ASB13: variants seen among roughly 807,000 people sequenced by gnomAD.
ASB13 encodes the protein ankyrin repeat and SOCS box containing 13.
Under a neutral mutation model 28.8 loss-of-function variants are expected in ASB13, and 33 were observed. The ratio of observed to expected loss-of-function variants is 1.15; its 90% CI spans 0.87 to 1.53. The LOEUF is 1.53. Among genes scored for constraint, ASB13 ranks in the 40% most tolerant of loss-of-function variants. The pLI is 0.00. For missense variants in ASB13, 414 were observed against 390.1 expected (o/e 1.06, Z -0.52); for synonymous variants, 182 against 172.9 (o/e 1.05, Z -0.41).
chr10:5,649,157 C>CA lies in ASB13; in HGVS notation c.383-54dup. ...TGTCCTTGAATACGGACACTGGAGACAACAAGCACACAGACGCGGCAGGGG... is the reference window on the plus strand; with the variant it reads ...TGTCCTTGAATACGGACACTGGAGACAAACAAGCACACAGACGCGGCAGGGG... On this transcript the variant is annotated intron_variant, in intron 3 of 5. Coordinates refer to ENST00000357700, the MANE Select transcript of ASB13 (RefSeq NM_024701.4). This position sits in a 1 kb window ranked among gnomAD's most constrained non-coding sequence, Gnocchi z 6.4. 1 of 1,608,832 alleles carries CA rather than the reference C, an allele frequency of 6.2e-7. No homozygotes were observed. The highest frequency in any genetic ancestry group is 1.7e-5 in the Admixed American group (1 of 59,984).
At chr10:5,647,631 C>T (rs1222415476) in intron 4 of ASB13, among the ~76,000 whole-genome samples, 2 of 152,324 alleles carry the variant, frequency 1.3e-5, no homozygotes, top group Non-Finnish European at 2.9e-5. Context: ...GGCCTGTGAT[C>T]TCTAGAAATA....
intron 1 of ASB13, among the ~76,000 whole-genome samples, chr10:5,654,680 C>T (rs1835044000): frequency 6.6e-6 from 1 of 152,188 alleles, no homozygotes; most frequent in African/African-American, 2.4e-5. Context: ...GTCAACTCTC[C>T]ATCTTCGAGC....
rs1414572543 is a variant in ASB13, at chr10:5,652,427, G to A, written c.231+436C>T. On this transcript the variant is annotated intron_variant, in intron 2 of 5. Transcript: ENST00000357700. The surrounding 1 kb of genome is among the most constrained non-coding windows in gnomAD (Gnocchi z 5.0). ...CCGGTGGCTTAATACTAGCCAGGGT[G>A]GGAACATTTACACCAGGGAAAGCAG... is the stretch of plus-strand genomic sequence containing the variant. 6.6e-6 allele frequency among the ~76,000 whole-genome samples: 1 copy of A among 152,184 alleles called. No homozygotes were observed. Among genetic ancestry groups the A allele is most frequent in the African/African-American group, 2.4e-5 (1 of 41,448 alleles).
Position 5,652,001 on chromosome 10 carries a change from CAAAAAA to C in ASB13, c.232-644_232-639del, listed in dbSNP as rs569915376. Among the ~76,000 whole-genome samples the C allele has an allele frequency of 1.6e-4, 8 of 50,794 alleles. No individual in the cohort carries two copies. The highest frequency in any genetic ancestry group is 3.0e-4 in the Admixed American group (1 of 3,332). 33.3% of individuals were successfully genotyped at this position (50,794 alleles called of 152,430 possible). A position where few individuals can be genotyped will look rare whatever the true frequency, so the allele number is the denominator to read the frequency against. The stretch of plus-strand genomic sequence containing the variant: ...TAGGCGACAGAGAAAGACCTTATCT[CAAAAAA>C]AAAAAAAAAAAAAAAAAACCACACA... On this transcript the variant is annotated intron_variant, in intron 2 of 5. Transcript: ENST00000357700. This position sits in a 1 kb window ranked among gnomAD's most constrained non-coding sequence, Gnocchi z 5.0.
rs56802263 is a variant in ASB13 at position 5,642,653 on chromosome 10, G to GT, written c.518-693dup. The GT allele has an allele frequency of 0.27, 92,418 of 346,880 alleles. 7,776 individuals are homozygous for GT. Among genetic ancestry groups the GT allele is most frequent in the East Asian group, 0.5 (5,208 of 10,394 alleles). The allele number at this position is 346,880 out of a possible 1,614,324, so 21.5% of individuals were successfully genotyped here. A position where few individuals can be genotyped will look rare whatever the true frequency, so the allele number is the denominator to read the frequency against. ...AGTAGCTAAATATGGCTGGTTTTGG[G>GT]TTTTTTTTTTTGAGACAGAGTCTCA... On this transcript the variant is annotated intron_variant, in intron 4 of 5. Coordinates refer to ENST00000357700, the MANE Select transcript of ASB13 (RefSeq NM_024701.4). The surrounding 1 kb of genome is among the most constrained non-coding windows in gnomAD (Gnocchi z 4.1).
At chr10:5,646,250 G>A (rs1298199595) in intron 4 of ASB13, among the ~76,000 whole-genome samples, 3 of 152,202 alleles carry the variant, frequency 2.0e-5, no homozygotes, top group Non-Finnish European at 4.4e-5. Context: ...TGTGGTGGGG[G>A]CGGGAGCAGA....
chr10:5,653,823 G>A lies in ASB13; in HGVS notation c.44-773C>T, dbSNP rs748955814. Among the ~76,000 whole-genome samples, 56 of 151,930 alleles carry A rather than the reference G, an allele frequency of 3.7e-4. 1 individual carries two copies. The highest frequency in any genetic ancestry group is 3.1e-4 in the Non-Finnish European group (21 of 67,974). ...CAGCCTCCCAAGTAGCTGGGATTAC[G>A]GGCACACACCATCACACCCAGCTAA... On this transcript the variant is annotated intron_variant, in intron 1 of 5. Transcript: ENST00000357700.
chr10:5,642,413 AAAG>A lies in ASB13; in HGVS notation c.518-455_518-453del, dbSNP rs1449643600. The A allele has an allele frequency of 9.9e-6, 9 of 907,326 alleles. No homozygotes were observed. In the African/African-American group the frequency reaches 1.6e-4, roughly 16 times the overall value. The allele number at this position is 907,326 out of a possible 1,614,324, so 56.2% of individuals were successfully genotyped here. On this transcript the variant is annotated intron_variant, in intron 4 of 5. Transcript: ENST00000357700. This position sits in a 1 kb window ranked among gnomAD's most constrained non-coding sequence, Gnocchi z 4.1. ...AGGCTCCAGAAATACTGGTTGAATG[AAAG>A]AATAAATGTTCCTTAACAATGCATA...
At chr10:5,665,006 G>C (rs948382929) in intron 1 of ASB13, among the ~76,000 whole-genome samples, 4 of 152,152 alleles carry the variant, frequency 2.6e-5, no homozygotes, top group Non-Finnish European at 5.9e-5. Context: ...ACAGGCACCC[G>C]CCACAATGCT....
Position 5,653,048 on chromosome 10 carries a change from A to G in ASB13, c.46T>C (p.Phe16Leu), listed in dbSNP as rs1355170835. 6.5e-7 allele frequency: 1 copy of G among 1,540,488 alleles called. No individual in the cohort carries two copies. Among genetic ancestry groups the G allele is most frequent in the African/African-American group, 1.4e-5 (1 of 72,720 alleles). The change falls in exon 2 of 6, where the codon TTC (phenylalanine) becomes CTC (leucine). Residue 16 changes from phenylalanine to leucine, a missense_variant and splice_region_variant. Phe to Leu is a conservative substitution (Grantham distance 22). Coordinates refer to ENST00000357700, the MANE Select transcript of ASB13 (RefSeq NM_024701.4). ...TGCACAGGGGTCCGCTCCACCCAGA[A>G]ACCTGGAAAGGAAGGGGACCTCAGG... ...ADGCFLGDVG[F>L]WVERTPVHEA...
At position 5,662,635 on chromosome 10, in the gene ASB13, AGAGAT is replaced by A. The variant is rs1399269304; in HGVS notation, c.43+3869_43+3873del. On this transcript the variant is annotated intron_variant, in intron 1 of 5. Transcript: ENST00000357700. Reference sequence around the variant, plus strand: ...AGAGAAGAGAAGAGAAGAGAAGAGAAGAGATGAGATCCTGGATGATTAACACTCCC... The same window carrying A: ...AGAGAAGAGAAGAGAAGAGAAGAGAAGAGATCCTGGATGATTAACACTCCC... 2.4e-3 allele frequency among the ~76,000 whole-genome samples: 344 copies of A among 143,044 alleles called. 1 individual carries two copies. The highest frequency in any genetic ancestry group is 3.8e-3 in the Non-Finnish European group (249 of 65,738). The allele number at this position is 143,044 out of a possible 152,430, so 93.8% of individuals were successfully genotyped here.
At position 5,652,771 on chromosome 10, in the gene ASB13, A is replaced by C; in HGVS notation, c.231+92T>G. Reference sequence around the variant, plus strand: ...GTGCAGTGGACACAGTGCAGCCCCCATCCTCCCCTCTTTCCCAAGTTCTCC... The same window carrying C: ...GTGCAGTGGACACAGTGCAGCCCCCCTCCTCCCCTCTTTCCCAAGTTCTCC... On this transcript the variant is annotated intron_variant, in intron 2 of 5. Transcript: ENST00000357700. The surrounding 1 kb of genome is among the most constrained non-coding windows in gnomAD (Gnocchi z 5.0). The C allele has an allele frequency of 7.5e-7, 1 of 1,329,358 alleles. No homozygotes were observed. The highest frequency in any genetic ancestry group is 1.0e-6 in the Non-Finnish European group (1 of 996,174). The allele number at this position is 1,329,358 out of a possible 1,614,324, so 82.3% of individuals were successfully genotyped here.
chr10:5,650,219 A>G lies in ASB13; in HGVS notation c.382+994T>C, dbSNP rs919193612. On this transcript the variant is annotated intron_variant, in intron 3 of 5. Transcript: ENST00000357700. This position sits in a 1 kb window ranked among gnomAD's most constrained non-coding sequence, Gnocchi z 6.0. ...CCTACTCTGAGCACTGGGCACCTTG[A>G]TCTCAGCGATGGTCCCCAACTCATC... Among the ~76,000 whole-genome samples, 4 of 152,144 alleles carry G rather than the reference A, an allele frequency of 2.6e-5. No homozygotes were observed. Among genetic ancestry groups the G allele is most frequent in the African/African-American group, 7.2e-5 (3 of 41,418 alleles).
rs17142551 is a variant in ASB13, at chr10:5,663,718, C to G, written c.43+2791G>C. On this transcript the variant is annotated intron_variant, in intron 1 of 5. Coordinates refer to ENST00000357700, the MANE Select transcript of ASB13 (RefSeq NM_024701.4). This position sits in a 1 kb window ranked among gnomAD's most constrained non-coding sequence, Gnocchi z 4.9. The stretch of plus-strand genomic sequence containing the variant: ...AAACATGCTTCCTAAGCCTTTGTAA[C>G]TTGCTAATTTCCTCTGATACTTCCA... 0.021 allele frequency among the ~76,000 whole-genome samples: 3,190 copies of G among 152,282 alleles called. 163 individuals are homozygous for G. The highest frequency in any genetic ancestry group is 0.12 in the Admixed American group (1,769 of 15,292).
rs897130691 is a variant in ASB13, at chr10:5,651,317, C to T, written c.278G>A (p.Cys93Tyr). 4 of 1,613,640 alleles carry T rather than the reference C, an allele frequency of 2.5e-6. No individual in the cohort carries two copies. The African/African-American group carries it at 5.3e-5, about 22-fold the overall frequency. ...CACACACTCGATGCTGCCCGAGGCG[C>T]AGGCATCGCAGAGCGGGGTGCTGCC... The part of the protein sequence containing the change: ...IDGSTPLCDA[C>Y]ASGSIECVKL... The change falls in exon 3 of 6, where the codon TGC becomes TAC. Residue 93 changes from cysteine (C) to tyrosine (Y), a missense_variant. Coordinates refer to ENST00000357700, the MANE Select transcript of ASB13 (RefSeq NM_024701.4). The surrounding 1 kb of genome is among the most constrained non-coding windows in gnomAD (Gnocchi z 5.1).
Position 5,649,142 on chromosome 10 carries a change from T to C in ASB13, c.383-38A>G, listed in dbSNP as rs994913309. 6.2e-7 allele frequency: 1 copy of C among 1,612,270 alleles called. No homozygotes were observed. The highest frequency in any genetic ancestry group is 8.5e-7 in the Non-Finnish European group (1 of 1,179,370). On this transcript the variant is annotated intron_variant, in intron 3 of 5. Transcript: ENST00000357700. The surrounding 1 kb of genome is among the most constrained non-coding windows in gnomAD (Gnocchi z 6.4). ...GGAAAAGGGGGGGAATGTCCTTGAA[T>C]ACGGACACTGGAGACAACAAGCACA...
At position 5,652,814 on chromosome 10, in the gene ASB13, T is replaced by C. The variant is rs1174103828; in HGVS notation, c.231+49A>G. 1.7e-5 allele frequency: 25 copies of C among 1,466,154 alleles called. No homozygotes were observed. Among genetic ancestry groups the C allele is most frequent in the Non-Finnish European group, 2.2e-5 (24 of 1,105,220 alleles). 90.8% of individuals were successfully genotyped at this position (1,466,154 alleles called of 1,614,324 possible). ...AGTTCTCCTGAGTCAACCTCCTCCA[T>C]TCTGGCAGCTGCAGCCAGTCTGGGG... On this transcript the variant is annotated intron_variant, in intron 2 of 5. Coordinates refer to ENST00000357700, the MANE Select transcript of ASB13 (RefSeq NM_024701.4). The surrounding 1 kb of genome is among the most constrained non-coding windows in gnomAD (Gnocchi z 5.0).
chr10:5,663,643 T>C lies in ASB13; in HGVS notation c.43+2866A>G, dbSNP rs1359765161. On this transcript the variant is annotated intron_variant, in intron 1 of 5. Transcript: ENST00000357700. This position sits in a 1 kb window ranked among gnomAD's most constrained non-coding sequence, Gnocchi z 4.9. ...TTTCCTTAGGACAGCAGGCAATGTC[T>C]CCCAGGGCTGCCGAGTCGAGGAGGA... 6.6e-6 allele frequency among the ~76,000 whole-genome samples: 1 copy of C among 152,172 alleles called. No homozygotes were observed. Among genetic ancestry groups the C allele is most frequent in the African/African-American group, 2.4e-5 (1 of 41,436 alleles).
rs1156946810 is a variant in ASB13, at chr10:5,656,620, A to C, written c.44-3570T>G. Reference sequence around the variant, plus strand: ...TTGAGGGGCCTTTATCCATTCTTACACAGAGGCTAGGATAATTTTAGAGCA... The same window carrying C: ...TTGAGGGGCCTTTATCCATTCTTACCCAGAGGCTAGGATAATTTTAGAGCA... On this transcript the variant is annotated intron_variant, in intron 1 of 5. Transcript: ENST00000357700. This position sits in a 1 kb window ranked among gnomAD's most constrained non-coding sequence, Gnocchi z 4.3. Among the ~76,000 whole-genome samples, 1 of 152,232 alleles carries C rather than the reference A, an allele frequency of 6.6e-6. No individual in the cohort carries two copies. Among genetic ancestry groups the C allele is most frequent in the Non-Finnish European group, 1.5e-5 (1 of 68,040 alleles).
Sources: gnomAD v4.1 joint callset for allele counts (sites outside exome capture counted in the v4.1 genomes callset) on GRCh38, gnomAD v4.1.1 for gene constraint, Gnocchi (gnomAD v3.1) non-coding constraint, MANE v1.5 for transcripts, NCBI Gene and HGNC (gene_info 2026-07-23, HGNC 2026-07-21) for gene names.